The following CTNNA3 variants were observed in gnomAD, a reference collection of about 807,000 sequenced individuals.
CTNNA3 encodes the protein catenin alpha-3.
CTNNA3 carries 76 observed loss-of-function variants against 95.7 expected under a neutral mutation model. The ratio of observed to expected loss-of-function variants is 0.79; its 90% confidence interval spans 0.66 to 0.96. The LOEUF (loss-of-function observed/expected upper bound fraction) is 0.96. Among genes scored for constraint, CTNNA3 ranks in the 40% least tolerant of loss-of-function variants. The pLI, the probability that CTNNA3 is intolerant of heterozygous loss-of-function variation, is 0.00. For missense variants in CTNNA3, 1,191 were observed against 1,089.8 expected, an observed-to-expected ratio of 1.09 and a Z score of -1.31; for synonymous variants, 431 against 374.4, an observed-to-expected ratio of 1.15 and a Z score of -1.74.
intron 7 of CTNNA3, among the ~76,000 whole-genome samples, chr10:66,806,242 G>C (rs566077995): frequency 6.8e-6 from 1 of 148,028 alleles, no homozygotes; most frequent in African/African-American, 2.5e-5. Context: ...AGTATTTACT[G>C]TGTGCCAGAT....
intron 12 of CTNNA3, among the ~76,000 whole-genome samples, chr10:66,329,482 G>T (rs2092298522): frequency 6.6e-6 from 1 of 151,724 alleles, no homozygotes; most frequent in Non-Finnish European, 1.5e-5. Context: ...AAAATTAACT[G>T]TCACAGTCTA....
At chr10:66,622,945 A>G (rs1201393526) in intron 9 of CTNNA3, among the ~76,000 whole-genome samples, 9 of 152,166 alleles carry the variant, frequency 5.9e-5, no homozygotes, top group Non-Finnish European at 1.3e-4. Context: ...TAATGAAATA[A>G]CAGCCATACA....
At chr10:67,540,404 TA>T (rs1589405147) in intron 3 of CTNNA3, among the ~76,000 whole-genome samples, 1 of 152,008 alleles carries the variant, frequency 6.6e-6, no homozygotes, top group Non-Finnish European at 1.5e-5. Flanking sequence ...CTTTTTATTA[TA>T]AAAGTACTAT....
At chr10:67,167,519 A>G (rs1340486271) in intron 7 of CTNNA3, among the ~76,000 whole-genome samples, 14 of 152,220 alleles carry the variant, frequency 9.2e-5, no homozygotes, top group Admixed American at 9.2e-4. Context: ...TAGTTGGTCA[A>G]CCAAGTTATT....
intron 7 of CTNNA3, among the ~76,000 whole-genome samples, chr10:66,929,857 G>T (rs747752208): frequency 5.9e-5 from 9 of 152,158 alleles, no homozygotes; most frequent in Non-Finnish European, 1.2e-4. Flanking sequence ...AAGGTTTTTA[G>T]AAAGATATAT....
rs1459080922 is a variant in CTNNA3 at position 66,481,602 on chromosome 10, G to C, written c.1531+39015C>G. Among the ~76,000 whole-genome samples, 11 of 146,338 alleles carry C rather than the reference G, an allele frequency of 7.5e-5. No homozygotes were observed. The Middle Eastern group carries it at 0.017, about 231-fold the overall frequency. ...TTCTCCTGCCTCAGCCTCCCGAGTA[G>C]CTGGGACTACAGGCGCCTGCCACCA... is the stretch of plus-strand genomic sequence containing the variant. On this transcript the variant is annotated intron_variant, in intron 11 of 17. Coordinates refer to ENST00000433211, the MANE Select transcript of CTNNA3 (RefSeq NM_013266.4).
chr10:66,216,236 T>A (rs1037987), intron 13 of CTNNA3, among the ~76,000 whole-genome samples: 2 of 152,256 alleles, frequency 1.3e-5, no homozygotes, highest in African/African-American at 4.8e-5. Flanking sequence ...TTCAATCCGA[T>A]CTTTGTATGT....
intron 11 of CTNNA3, among the ~76,000 whole-genome samples, chr10:66,444,279 G>A (rs576702070): frequency 1.1e-4 from 17 of 152,164 alleles, no homozygotes; most frequent in African/African-American, 3.4e-4. Flanking sequence ...AACTTCCCCA[G>A]TCTAGCAAGG....
chr10:67,350,689 A>C (rs924849662), intron 5 of CTNNA3, among the ~76,000 whole-genome samples: 1 of 151,790 alleles, frequency 6.6e-6, no homozygotes, highest in Admixed American at 6.6e-5. Flanking sequence ...AAATAAAACA[A>C]ACAATGCCAG....
intron 3 of CTNNA3, among the ~76,000 whole-genome samples, chr10:67,543,491 T>C (rs75583019): frequency 0.017 from 2,582 of 152,226 alleles, 31 homozygotes; most frequent in Non-Finnish European, 0.026. Flanking sequence ...TAAAAGTGCT[T>C]ATATTGATTA....
intron 12 of CTNNA3, among the ~76,000 whole-genome samples, chr10:66,305,193 T>C (rs1353089657): frequency 1.3e-5 from 2 of 152,176 alleles, no homozygotes; most frequent in African/African-American, 2.4e-5. Flanking sequence ...CAACTTAGAA[T>C]GACAAAAACT....
chr10:66,753,427 C>T lies in CTNNA3; in HGVS notation c.1281+12837G>A, dbSNP rs879412035. Among the ~76,000 whole-genome samples the T allele has an allele frequency of 1.5e-4, 23 of 152,032 alleles. 1 individual carries two copies. The highest frequency in any genetic ancestry group is 1.3e-4 in the Non-Finnish European group (9 of 68,012). ...CCTGTAATCCCAGCACTTTGGGAGGCTGAAGTGGGCAGGTCACCTGAGGTC... is the reference window on the plus strand; with the variant it reads ...CCTGTAATCCCAGCACTTTGGGAGGTTGAAGTGGGCAGGTCACCTGAGGTC... On this transcript the variant is annotated intron_variant, in intron 9 of 17. Transcript: ENST00000433211.
chr10:66,819,555 A>T (rs1276004474), intron 7 of CTNNA3, among the ~76,000 whole-genome samples: 1 of 152,192 alleles, frequency 6.6e-6, no homozygotes, highest in African/African-American at 2.4e-5. Context: ...AAATTGAAAA[A>T]AACACACAAA....
intron 5 of CTNNA3, among the ~76,000 whole-genome samples, chr10:67,452,975 G>A (rs1179911010): frequency 6.6e-6 from 1 of 152,160 alleles, no homozygotes; most frequent in African/African-American, 2.4e-5. Flanking sequence ...AGTAGTGGAG[G>A]GTATTAGCCA....
intron 5 of CTNNA3, among the ~76,000 whole-genome samples, chr10:67,476,158 C>T (rs1027331413): frequency 1.3e-5 from 2 of 152,114 alleles, no homozygotes; most frequent in African/African-American, 4.8e-5. Context: ...AATTTAAACC[C>T]GCGAGTGCAC....
At chr10:67,067,341 T>C (rs192346285) in intron 7 of CTNNA3, among the ~76,000 whole-genome samples, 51 of 152,316 alleles carry the variant, frequency 3.3e-4, no homozygotes, top group Non-Finnish European at 5.3e-4. Context: ...CAATAAACCA[T>C]ATACTAAGCA....
chr10:66,009,307 T>A lies in CTNNA3; in HGVS notation c.2160-20510A>T, dbSNP rs555240423. Among the ~76,000 whole-genome samples, 8 of 152,246 alleles carry A rather than the reference T, an allele frequency of 5.3e-5. No individual in the cohort carries two copies. The South Asian group carries it at 1.7e-3, about 32-fold the overall frequency. ...AATTATCCTTAATCCATAGTTTATT[T>A]TATAAAAAAATTAAAACAATGGGTC... On this transcript the variant is annotated intron_variant, in intron 15 of 17. Transcript: ENST00000433211.
At chr10:67,050,838 T>C (rs1855046243) in intron 7 of CTNNA3, among the ~76,000 whole-genome samples, 1 of 152,230 alleles carries the variant, frequency 6.6e-6, no homozygotes, top group Non-Finnish European at 1.5e-5. Flanking sequence ...GATATTTCAG[T>C]TTCTTAAAAT....
intron 1 of CTNNA3, among the ~76,000 whole-genome samples, chr10:67,752,734 A>AAAGAG (rs1841413804): frequency 6.6e-6 from 1 of 151,544 alleles, no homozygotes; most frequent in Admixed American, 6.6e-5. Flanking sequence ...CAACTGCTAC[A>AAAGAG]AATAAAATAC....
Sources: allele counts gnomAD v4.1 joint callset (sites outside exome capture counted in the v4.1 genomes callset), GRCh38; gene constraint gnomAD v4.1.1; transcripts MANE v1.5; gene names NCBI Gene and HGNC (gene_info 2026-07-23, HGNC 2026-07-21).